CFAP410: variants seen among roughly 807,000 people sequenced by gnomAD.
The protein encoded by CFAP410 is cilia- and flagella-associated protein 410.
In CFAP410, 27 loss-of-function variants were observed where a neutral mutation model predicts 25.7. The ratio of observed to expected loss-of-function variants is 1.05; its 90% CI spans 0.77 to 1.45. CFAP410 has a LOEUF of 1.45. Ranked by LOEUF, CFAP410 falls within the 40% of genes most tolerant of loss-of-function variation. CFAP410 has a pLI of 0.00. For synonymous variants in CFAP410, 178 were observed against 158.4 expected (o/e 1.12, Z -0.93); for missense variants, 428 against 354.1 (o/e 1.21, Z -1.67).
intron 3 of CFAP410, chr21:44,333,930 C>A (rs921223358): frequency 1.7e-5 from 6 of 360,216 alleles, no homozygotes; most frequent in Non-Finnish European, 5.5e-6. Context: ...GTCCGGCAGG[C>A]GCCTCAGAAG....
chr21:44,339,101 G>T lies in CFAP410; in HGVS notation c.77+17C>A. 7.1e-7 allele frequency: 1 copy of T among 1,416,214 alleles called. No individual in the cohort carries two copies. Among genetic ancestry groups the T allele is most frequent in the Non-Finnish European group, 9.3e-7 (1 of 1,073,962 alleles). 87.7% of individuals were successfully genotyped at this position (1,416,214 alleles called of 1,614,324 possible). On this transcript the variant is annotated intron_variant, in intron 1 of 6. Coordinates refer to ENST00000339818, the MANE Select transcript of CFAP410 (RefSeq NM_004928.3). ...CTCCCCCCACCCCGGGGCGGCCGCGGCCAGGCCCCGCCTCACCAGCAGTTG... is the reference window on the plus strand; with the variant it reads ...CTCCCCCCACCCCGGGGCGGCCGCGTCCAGGCCCCGCCTCACCAGCAGTTG...
At chr21:44,337,910 G>C (rs1031808226) in intron 1 of CFAP410, among the ~76,000 whole-genome samples, 6 of 152,140 alleles carry the variant, frequency 3.9e-5, no homozygotes, top group Non-Finnish European at 5.9e-5. Flanking sequence ...GGAGCAGCAG[G>C]GTTGCTCCAT....
intron 6 of CFAP410, 119 bp from the exon 7 acceptor site, chr21:44,330,445 G>C: frequency 6.5e-7 from 1 of 1,539,836 alleles, no homozygotes. Flanking sequence ...GGGGGTGTGG[G>C]CCGTCCAAGT....
At position 44,331,991 on chromosome 21, in the gene CFAP410, G is replaced by A. The variant is rs756596432; in HGVS notation, c.397C>T (p.Arg133Cys). The A allele has an allele frequency of 8.7e-6, 14 of 1,605,972 alleles. No individual in the cohort carries two copies. The highest frequency in any genetic ancestry group is 5.4e-5 in the African/African-American group (4 of 74,534). ...NQAVTEEELS[R>C]ALSEGEEITA... ...ATCTCCTCTCCCTCACTCAGTGCACGGGACAGCTCCTCCTCCGTCACAGCT... is the reference window on the plus strand; with the variant it reads ...ATCTCCTCTCCCTCACTCAGTGCACAGGACAGCTCCTCCTCCGTCACAGCT... Residue 133 changes from arginine to cysteine, a missense_variant, in exon 5 of 7, where the codon CGT becomes TGT. Arg to Cys is a radical substitution (Grantham distance 180). Transcript: ENST00000339818.
intron 3 of CFAP410, chr21:44,334,555 G>A (rs2047718893): frequency 8.3e-6 from 2 of 242,384 alleles, no homozygotes; most frequent in Non-Finnish European, 1.6e-5. Flanking sequence ...GGGCGGGCAC[G>A]CGCACCCCTG....
intron 2 of CFAP410, among the ~76,000 whole-genome samples, chr21:44,336,518 T>C (rs978696865): frequency 6.6e-6 from 1 of 152,068 alleles, no homozygotes; most frequent in Non-Finnish European, 1.5e-5. Flanking sequence ...CCCGGGGTGG[T>C]CCACAAAGCC....
At position 44,339,259 on chromosome 21, in the gene CFAP410, C is replaced by T; in HGVS notation, c.-65G>A. ...CCTGATCCCGGGCGGGTGACGACTG[C>T]GCGGCGCGTGTCTCCAGGGGCGGGG... On this transcript the variant is annotated 5_prime_UTR_variant, in exon 1 of 7. Coordinates refer to ENST00000339818, the MANE Select transcript of CFAP410 (RefSeq NM_004928.3). The T allele has an allele frequency of 1.9e-6, 2 of 1,080,472 alleles. No homozygotes were observed. Among genetic ancestry groups the T allele is most frequent in the Non-Finnish European group, 2.5e-6 (2 of 799,816 alleles). 66.9% of individuals were successfully genotyped at this position (1,080,472 alleles called of 1,614,324 possible).
intron 3 of CFAP410, chr21:44,333,505 C>T: frequency 1.7e-6 from 1 of 583,060 alleles, no homozygotes; most frequent in East Asian, 2.8e-5. Flanking sequence ...GCCCCTTGGC[C>T]CGACGCTCCA....
At chr21:44,338,805 T>C (rs1348268052) in intron 1 of CFAP410, 3 of 71,712 alleles carry the variant, frequency 4.2e-5, no homozygotes, top group African/African-American at 6.2e-5. Flanking sequence ...GGCTCCGCCC[T>C]CGTCCCGCCC....
At position 44,329,374 on chromosome 21, in the gene CFAP410, G is replaced by A. The variant is rs1277671605; in HGVS notation, c.*824C>T. 1 of 152,262 alleles carries A rather than the reference G, an allele frequency of 6.6e-6. No individual in the cohort carries two copies. Among genetic ancestry groups the A allele is most frequent in the Non-Finnish European group, 1.5e-5 (1 of 68,070 alleles). 9.4% of individuals were successfully genotyped at this position (152,262 alleles called of 1,614,324 possible). On this transcript the variant is annotated 3_prime_UTR_variant, in exon 7 of 7. Coordinates refer to ENST00000339818, the MANE Select transcript of CFAP410 (RefSeq NM_004928.3). ...GGAAGGCTGACTCCCCATCTCACGT[G>A]AATGCTTCCTTGGTTTTGGGGGGCA...
chr21:44,334,313 CAGTG>C (rs1399171294), intron 3 of CFAP410: 1 of 455,382 alleles, frequency 2.2e-6, no homozygotes. Flanking sequence ...CTGGGTGACT[CAGTG>C]AGCGGCAGGG....
rs1293503820 is a variant in CFAP410, at chr21:44,330,459, T to C, written c.643-133A>G. ...CGGGGGTGTGGGCCGTCCAAGTGAC[T>C]GACCGGCACACTCGGAGAATCTGAG... On this transcript the variant is annotated intron_variant, in intron 6 of 6. Coordinates refer to ENST00000339818, the MANE Select transcript of CFAP410 (RefSeq NM_004928.3). 6 of 1,533,872 alleles carry C rather than the reference T, an allele frequency of 3.9e-6. No homozygotes were observed. The African/African-American group carries it at 6.8e-5, about 17-fold the overall frequency.
chr21:44,335,656 G>A (rs2146079216), intron 3 of CFAP410, 102 bp downstream of exon 3: 2 of 910,382 alleles, frequency 2.2e-6, no homozygotes, highest in South Asian at 3.0e-5. Context: ...CTGTGTTGGA[G>A]GTTTCCAGGT....
chr21:44,338,210 T>G, intron 1 of CFAP410: 47 of 1,154,714 alleles, frequency 4.1e-5, no homozygotes, highest in Non-Finnish European at 5.2e-5. Flanking sequence ...AGAAAAGCTT[T>G]TTAATTAACA....
At chr21:44,331,742 T>C (rs1296875331) in intron 5 of CFAP410, 101 bp downstream of exon 5, 1 of 1,154,088 alleles carries the variant, frequency 8.7e-7, no homozygotes, top group African/African-American at 1.6e-5. Context: ...TGTCCCTCAC[T>C]TCCCAGAGAC....
intron 5 of CFAP410, chr21:44,331,242 C>T (rs1442021620): frequency 1.1e-5 from 5 of 448,380 alleles, no homozygotes; most frequent in African/African-American, 2.0e-5. Context: ...AGCTCCTGAC[C>T]ATGGGGTCAG....
intron 6 of CFAP410, 188 bp from the exon 7 acceptor site, chr21:44,330,514 T>G (rs2047625336): frequency 1.3e-6 from 2 of 1,547,536 alleles, no homozygotes; most frequent in Non-Finnish European, 1.7e-6. Flanking sequence ...GACGCGTGTG[T>G]GGCACCTCTT....
chr21:44,333,049 C>T lies in CFAP410; in HGVS notation c.357G>A (p.Gln119=), dbSNP rs1241034677. ...MTVLRTLPRL[Q]KLDNQAVTEE... ...GCCACCTACCCTGGTTGTCCAGCTT[C>T]TGTAGGCGCGGCAGGGTGCGCAGCA... The change falls in exon 4 of 7, where the codon CAG becomes CAA. Residue 119 remains glutamine (Q), a synonymous_variant. Transcript: ENST00000339818. 1.3e-6 allele frequency: 2 copies of T among 1,594,650 alleles called. No individual in the cohort carries two copies. Among genetic ancestry groups the T allele is most frequent in the Non-Finnish European group, 1.7e-6 (2 of 1,166,942 alleles).
At chr21:44,334,240 C>T (rs1344777474) in intron 3 of CFAP410, 1 of 456,316 alleles carries the variant, frequency 2.2e-6, no homozygotes, top group Admixed American at 2.3e-5. Flanking sequence ...TCCTGTCCCT[C>T]CCGAGATGTG....
Sources: allele counts gnomAD v4.1 joint callset (sites outside exome capture counted in the v4.1 genomes callset), GRCh38; gene constraint gnomAD v4.1.1; transcripts MANE v1.5; gene names NCBI Gene and HGNC (gene_info 2026-07-23, HGNC 2026-07-21).